The following LPA variants were observed in gnomAD, a reference collection of about 807,000 sequenced individuals.
LPA encodes the protein lipoprotein(a).
Under a neutral mutation model 197.9 loss-of-function variants are expected in LPA, and 199 were observed. The observed-to-expected ratio is 1.01, with a 90% CI of 0.90 to 1.13. LPA has a LOEUF of 1.13. LPA is among the 50% of genes most tolerant of loss of function. The probability of loss-of-function intolerance (pLI) is 0.00; values close to 1 mark genes in which losing one functional copy is unlikely to be tolerated. For missense variants in LPA, 1,853 were observed against 1,785.8 expected, an observed-to-expected ratio of 1.04 and a Z score of -0.68; for synonymous variants, 715 against 639.5, an observed-to-expected ratio of 1.12 and a Z score of -1.78.
intron 28 of LPA, among the ~76,000 whole-genome samples, chr6:160,571,923 GA>G (rs915247508): frequency 3.3e-5 from 5 of 151,900 alleles, no homozygotes; most frequent in African/African-American, 7.3e-5. Context: ...ACTGGGGTAT[GA>G]AAAAAAACTC....
chr6:160,569,310 C>A (rs1429713851), intron 28 of LPA, among the ~76,000 whole-genome samples: 1 of 149,958 alleles, frequency 6.7e-6, no homozygotes, highest in Non-Finnish European at 1.5e-5. Context: ...CAGAACAGAG[C>A]CCTCAGAAAT....
Position 160,578,513 on chromosome 6 carries a change from A to G in LPA, c.4471+10T>C. Reference sequence around the variant, plus strand: ...CCCAGTATATAGATGTCTAACCACAAATTTCTTACCTTGTTCAGAAGGAGC... The same window carrying G: ...CCCAGTATATAGATGTCTAACCACAGATTTCTTACCTTGTTCAGAAGGAGC... On this transcript the variant is annotated intron_variant, in intron 27 of 38. Transcript: ENST00000316300. The G allele has an allele frequency of 1.2e-6, 2 of 1,613,686 alleles. No individual in the cohort carries two copies. Among genetic ancestry groups the G allele is most frequent in the Non-Finnish European group, 1.7e-6 (2 of 1,179,686 alleles).
At chr6:160,593,349 C>T (rs1159193682) in intron 22 of LPA, among the ~76,000 whole-genome samples, 5 of 152,270 alleles carry the variant, frequency 3.3e-5, no homozygotes, top group South Asian at 4.1e-4. Context: ...ATGGCAGAAA[C>T]GCTGACGTGG....
At chr6:160,603,405 C>T (rs901856550) in intron 18 of LPA, among the ~76,000 whole-genome samples, 14 of 152,204 alleles carry the variant, frequency 9.2e-5, no homozygotes, top group South Asian at 4.1e-4. Flanking sequence ...ATTGGGAATA[C>T]ATCCAGTAAT....
At chr6:160,603,887 G>T (rs1296084693) in intron 18 of LPA, among the ~76,000 whole-genome samples, 3 of 152,058 alleles carry the variant, frequency 2.0e-5, no homozygotes, top group Non-Finnish European at 4.4e-5. Flanking sequence ...GACTTTTCTG[G>T]AGTCTCTACT....
rs539718599 is a variant in LPA at position 160,641,071 on chromosome 6, T to C, written c.552-223A>G. Among the ~76,000 whole-genome samples, 3 of 139,358 alleles carry C rather than the reference T, an allele frequency of 2.2e-5. 1 individual carries two copies. In the South Asian group the frequency reaches 6.9e-4, roughly 32 times the overall value. 91.4% of individuals were successfully genotyped at this position (139,358 alleles called of 152,430 possible). A position where few individuals can be genotyped will look rare whatever the true frequency, so the allele number is the denominator to read the frequency against. ...TATTACTATTTTTTTAAATAAAAAATCTAAAGTAGCAAACGCTTCTTAGAA... is the reference window on the plus strand; with the variant it reads ...TATTACTATTTTTTTAAATAAAAAACCTAAAGTAGCAAACGCTTCTTAGAA... On this transcript the variant is annotated intron_variant, in intron 4 of 38. Transcript: ENST00000316300.
At position 160,556,041 on chromosome 6, in the gene LPA, C is replaced by A. The variant is rs1164703366; in HGVS notation, c.4957G>T (p.Glu1653Ter). ...MTPHRHQRTP[E>*]NYPNDGLTMN... The stretch of plus-strand genomic sequence containing the variant: ...AAGACATACTCATTTGGGTAGTTTT[C>A]TGGGGTCCTCTGATGCCGGTGTGGT... The change falls in exon 30 of 39, where the codon GAA (glutamate) becomes TAA (stop). Residue 1653 changes from glutamate (E) to a stop codon, truncating the protein, a stop_gained. Transcript: ENST00000316300. LOFTEE classifies it high-confidence loss of function. The A allele has an allele frequency of 6.2e-7, 1 of 1,611,194 alleles. No homozygotes were observed. Among genetic ancestry groups the A allele is most frequent in the Non-Finnish European group, 8.5e-7 (1 of 1,177,570 alleles).
At chr6:160,589,094 A>T (rs1487757648) in intron 24 of LPA, among the ~76,000 whole-genome samples, 1 of 152,188 alleles carries the variant, frequency 6.6e-6, no homozygotes, top group Non-Finnish European at 1.5e-5. Flanking sequence ...CAATGTGTTT[A>T]TACAGGTTAG....
At chr6:160,610,806 G>T (rs370186443) in intron 16 of LPA, among the ~76,000 whole-genome samples, 1 of 152,104 alleles carries the variant, frequency 6.6e-6, no homozygotes, top group Non-Finnish European at 1.5e-5. Flanking sequence ...GAAAGCCAAG[G>T]CATCTATGGA....
chr6:160,589,500 G>A, intron 24 of LPA, 53 bp downstream of exon 24: 1 of 1,602,950 alleles, frequency 6.2e-7, no homozygotes, highest in South Asian at 1.1e-5. Flanking sequence ...GGCTCTTCCA[G>A]GAGAAATTTA....
At chr6:160,597,745 G>A (rs912419768) in intron 20 of LPA, among the ~76,000 whole-genome samples, 1 of 152,104 alleles carries the variant, frequency 6.6e-6, no homozygotes, top group Non-Finnish European at 1.5e-5. Flanking sequence ...AAATTCTCAT[G>A]CCATTTAAAT....
At chr6:160,643,106 G>GTGTGTGTT (rs1554242227) in intron 4 of LPA, among the ~76,000 whole-genome samples, 393 of 144,332 alleles carry the variant, frequency 2.7e-3, no homozygotes, top group African/African-American at 9.6e-3. Context: ...GTGTGTGTGT[G>GTGTGTGTT]TGTGTGTGTA....
chr6:160,615,246 G>C (rs1455453348), intron 14 of LPA, among the ~76,000 whole-genome samples: 32 of 135,410 alleles, frequency 2.4e-4, no homozygotes, highest in East Asian at 4.2e-4. Context: ...ATGTCTGTGA[G>C]GCTCGCTTAA....
intron 24 of LPA, among the ~76,000 whole-genome samples, chr6:160,588,945 C>G (rs1433915808): frequency 6.6e-6 from 1 of 152,184 alleles, no homozygotes; most frequent in Non-Finnish European, 1.5e-5. Context: ...CTGGCATAGC[C>G]AGACATGGGT....
intron 16 of LPA, among the ~76,000 whole-genome samples, chr6:160,606,864 A>T (rs1325187750): frequency 2.0e-5 from 3 of 149,476 alleles, no homozygotes; most frequent in Admixed American, 6.6e-5. Context: ...TTATTATTAT[A>T]AAAAAAAATC....
At chr6:160,586,368 A>G in intron 25 of LPA, 81 bp downstream of exon 25, 1 of 1,524,084 alleles carries the variant, frequency 6.6e-7, no homozygotes, top group South Asian at 1.1e-5. Context: ...GCAGCATGGA[A>G]GTTTTCTGCA....
intron 1 of LPA, among the ~76,000 whole-genome samples, chr6:160,657,361 C>G (rs1349634302): frequency 6.6e-6 from 1 of 151,852 alleles, no homozygotes; most frequent in African/African-American, 2.4e-5. Flanking sequence ...ATCTTTTAAT[C>G]CATATTTCAG....
intron 28 of LPA, among the ~76,000 whole-genome samples, chr6:160,573,414 C>G (rs1166889797): frequency 6.6e-6 from 1 of 151,672 alleles, no homozygotes; most frequent in Non-Finnish European, 1.5e-5. Context: ...AGCTTAATAA[C>G]TAACCTCCTG....
intron 23 of LPA, 67 bp downstream of exon 23, chr6:160,590,877 C>T: frequency 6.2e-7 from 1 of 1,602,494 alleles, no homozygotes; most frequent in Non-Finnish European, 8.5e-7. Flanking sequence ...TTCTGTATCA[C>T]TAAGATTTTG....
Sources: gnomAD v4.1 joint callset for allele counts (sites outside exome capture counted in the v4.1 genomes callset) on GRCh38, gnomAD v4.1.1 for gene constraint, MANE v1.5 for transcripts, NCBI Gene and HGNC (gene_info 2026-07-23, HGNC 2026-07-21) for gene names.